DYNC1H1: variants seen among roughly 807,000 people sequenced by gnomAD.
DYNC1H1 encodes the protein cytoplasmic dynein 1 heavy chain 1.
DYNC1H1 carries 51 observed loss-of-function variants against 527.1 expected under a neutral mutation model. The observed-to-expected ratio is 0.10, with a 90% CI of 0.08 to 0.12. DYNC1H1 has a LOEUF of 0.12. Ranked by LOEUF, DYNC1H1 falls within the 10% of genes least tolerant of loss-of-function variation. The pLI is 1.00. For synonymous variants in DYNC1H1, 2,189 were observed against 2,278.8 expected (o/e 0.96, Z 1.12); for missense variants, 2,771 against 5,971.8 (o/e 0.46, Z 17.66).
At chr14:101,995,481 G>A (rs992463672) in intron 15 of DYNC1H1, among the ~76,000 whole-genome samples, 181 bp downstream of exon 15, 3 of 151,948 alleles carry the variant, frequency 2.0e-5, no homozygotes, top group Non-Finnish European at 4.4e-5. Context: ...TGTGGTGGCG[G>A]GTACCTGTGG....
chr14:102,037,777 T>C (rs1041460950), intron 57 of DYNC1H1: 1 of 153,662 alleles, frequency 6.5e-6, no homozygotes, highest in Non-Finnish European at 1.4e-5. Context: ...AAATAAAGCA[T>C]GTAAGGTCAC....
chr14:102,006,680 A>G (rs910465091), intron 27 of DYNC1H1, among the ~76,000 whole-genome samples: 2 of 150,586 alleles, frequency 1.3e-5, no homozygotes, highest in African/African-American at 4.9e-5. Flanking sequence ...GGCTCATTGC[A>G]ACCTCTGCCT....
rs775712157 is a variant in DYNC1H1 at position 102,047,955 on chromosome 14, C to T, written c.13145C>T (p.Thr4382Ile). ...GRPAWMRTLH[T>I]TASNWLHLIP... ...CCTGCCTGGATGCGGACACTGCACA[C>T]CACCGCGTCCAACTGGCTGCACCTC... The change falls in exon 73 of 78, where the codon ACC becomes ATC. Residue 4382 changes from threonine to isoleucine, a missense_variant. Physicochemically the swap from Thr to Ile is moderately conservative, Grantham distance 89 (BLOSUM62 -1). Transcript: ENST00000360184. The T allele has an allele frequency of 6.2e-7, 1 of 1,613,060 alleles. No homozygotes were observed. Among genetic ancestry groups the T allele is most frequent in the Non-Finnish European group, 8.5e-7 (1 of 1,180,020 alleles).
Position 102,049,929 on chromosome 14 carries a change from G to A in DYNC1H1, c.13684+47G>A, listed in dbSNP as rs757813281. 22 of 1,613,464 alleles carry A rather than the reference G, an allele frequency of 1.4e-5. No homozygotes were observed. Among genetic ancestry groups the A allele is most frequent in the African/African-American group, 2.7e-5 (2 of 74,910 alleles). Reference sequence around the variant, plus strand: ...ATACTGGCTCTTTGCAGGTGACCTCGGTGGCCTGAGACCATTGTTCCCAGA... The same window carrying A: ...ATACTGGCTCTTTGCAGGTGACCTCAGTGGCCTGAGACCATTGTTCCCAGA... On this transcript the variant is annotated intron_variant, in intron 76 of 77. Coordinates refer to ENST00000360184, the MANE Select transcript of DYNC1H1 (RefSeq NM_001376.5). This position sits in a 1 kb window ranked among gnomAD's most constrained non-coding sequence, Gnocchi z 5.5.
chr14:102,048,356 C>G (rs2048756138), intron 73 of DYNC1H1, 160 bp from the exon 74 acceptor site: 13 of 1,022,982 alleles, frequency 1.3e-5, no homozygotes, highest in Non-Finnish European at 1.3e-5. Flanking sequence ...CAGCTTCACA[C>G]AAGCTCGGTT....
rs1166113560 is a variant in DYNC1H1 at position 102,043,891 on chromosome 14, C to T, written c.12530C>T (p.Ala4177Val). 6.2e-7 allele frequency: 1 copy of T among 1,614,216 alleles called. No homozygotes were observed. Among genetic ancestry groups the T allele is most frequent in the Non-Finnish European group, 8.5e-7 (1 of 1,180,056 alleles). Residue 4177 changes from alanine (A) to valine (V), a missense_variant, in exon 70 of 78, where the codon GCC (alanine) becomes GTC (valine). By Grantham distance (64) the Ala-to-Val change is moderately conservative. Coordinates refer to ENST00000360184, the MANE Select transcript of DYNC1H1 (RefSeq NM_001376.5). Reference sequence around the variant, plus strand: ...CCTCACCAGTCTCCCAACGAGCGTGCCCGCTTGTACTTCCTGCTGGCCTGG... The same window carrying T: ...CCTCACCAGTCTCCCAACGAGCGTGTCCGCTTGTACTTCCTGCTGGCCTGG... ...SRICKSPNER[A>V]RLYFLLAWFH...
At position 102,027,159 on chromosome 14, in the gene DYNC1H1, C is replaced by A; in HGVS notation, c.8772-15C>A. ...TTATAAGCCTTAACATTGATCAGTT[C>A]TCGTAATGTTTCAGAATATTCCGTC... On this transcript the variant is annotated splice_polypyrimidine_tract_variant and intron_variant, in intron 44 of 77. Coordinates refer to ENST00000360184, the MANE Select transcript of DYNC1H1 (RefSeq NM_001376.5). The surrounding 1 kb of genome is among the most constrained non-coding windows in gnomAD (Gnocchi z 7.7). The A allele has an allele frequency of 6.2e-7, 1 of 1,612,206 alleles. No individual in the cohort carries two copies. The highest frequency in any genetic ancestry group is 1.3e-5 in the African/African-American group (1 of 74,992).
chr14:102,041,751 G>A lies in DYNC1H1; in HGVS notation c.12102+17G>A. 6.2e-7 allele frequency: 1 copy of A among 1,613,776 alleles called. No homozygotes were observed. The highest frequency in any genetic ancestry group is 8.5e-7 in the Non-Finnish European group (1 of 1,180,028). On this transcript the variant is annotated intron_variant, in intron 65 of 77. Coordinates refer to ENST00000360184, the MANE Select transcript of DYNC1H1 (RefSeq NM_001376.5). The surrounding 1 kb of genome is among the most constrained non-coding windows in gnomAD (Gnocchi z 4.5). The stretch of plus-strand genomic sequence containing the variant: ...GGCACAGAGGTAATGTCCTGGTACA[G>A]CCCGGGCTTCCCACGAGACTCCATG...
chr14:101,988,592 A>T, intron 9 of DYNC1H1, 111 bp from the exon 10 acceptor site: 1 of 1,382,420 alleles, frequency 7.2e-7, no homozygotes, highest in South Asian at 1.2e-5. Flanking sequence ...GAAGGCTTCT[A>T]GTCCGGAACT....
chr14:102,026,967 GTC>G, intron 44 of DYNC1H1: 1 of 772,390 alleles, frequency 1.3e-6, no homozygotes, highest in South Asian at 1.6e-5. Context: ...AATTGCATTA[GTC>G]TCTCATGTCA....
rs896154897 is a variant in DYNC1H1, at chr14:102,018,967, T to C, written c.8343+351T>C. Among the ~76,000 whole-genome samples the C allele has an allele frequency of 3.9e-5, 6 of 152,264 alleles. No individual in the cohort carries two copies. The highest frequency in any genetic ancestry group is 2.1e-4 in the South Asian group (1 of 4,816). On this transcript the variant is annotated intron_variant, in intron 41 of 77. Coordinates refer to ENST00000360184, the MANE Select transcript of DYNC1H1 (RefSeq NM_001376.5). The surrounding 1 kb of genome is among the most constrained non-coding windows in gnomAD (Gnocchi z 5.2). ...CTACCTCAAAATAAAATGAGAAGTTTATTGAAATAAAGATTGGACTTTATT... is the reference window on the plus strand; with the variant it reads ...CTACCTCAAAATAAAATGAGAAGTTCATTGAAATAAAGATTGGACTTTATT...
chr14:102,044,106 C>A lies in DYNC1H1; in HGVS notation c.12684+61C>A. The A allele has an allele frequency of 6.2e-7, 1 of 1,603,222 alleles. No individual in the cohort carries two copies. On this transcript the variant is annotated intron_variant, in intron 70 of 77. Coordinates refer to ENST00000360184, the MANE Select transcript of DYNC1H1 (RefSeq NM_001376.5). This position sits in a 1 kb window ranked among gnomAD's most constrained non-coding sequence, Gnocchi z 7.1. ...TGTATCTGGGAAGGATGCTGCAGGG[C>A]GTGGTGCTGAGAGGCCAGACTCTGC...
In DYNC1H1 at chr14:102,042,115, A is replaced by G; in HGVS notation, c.12205A>G (p.Ile4069Val). ...CGAGCAGAACACGCAGATCACTTCAATTGCAATCGGTAAGGATGCTTGAGG... is the reference window on the plus strand; with the variant it reads ...CGAGCAGAACACGCAGATCACTTCAGTTGCAATCGGTAAGGATGCTTGAGG... ...AAEQNTQITS[I>V]AIGSAEGFNQ... Residue 4069 changes from isoleucine (I) to valine (V), a missense_variant, in exon 66 of 78, where the codon ATT becomes GTT. Transcript: ENST00000360184. This position sits in a 1 kb window ranked among gnomAD's most constrained non-coding sequence, Gnocchi z 5.7. 1.9e-6 allele frequency: 3 copies of G among 1,614,102 alleles called. No individual in the cohort carries two copies. Among genetic ancestry groups the G allele is most frequent in the Non-Finnish European group, 2.5e-6 (3 of 1,180,022 alleles).
rs754338688 is a variant in DYNC1H1 at position 102,044,754 on chromosome 14, C to T, written c.13006+56C>T. 3.1e-5 allele frequency: 43 copies of T among 1,384,158 alleles called. No individual in the cohort carries two copies. Among genetic ancestry groups the T allele is most frequent in the South Asian group, 8.1e-5 (6 of 74,272 alleles). 85.7% of individuals were successfully genotyped at this position (1,384,158 alleles called of 1,614,324 possible). ...GGTGGGTGGCGAGGGTCCCCTCACG[C>T]GGGGTGGGTGGCGAGGGTCCCCACA... On this transcript the variant is annotated intron_variant, in intron 72 of 77. Transcript: ENST00000360184. This position sits in a 1 kb window ranked among gnomAD's most constrained non-coding sequence, Gnocchi z 7.1.
chr14:102,007,613 G>A (rs527353915), intron 28 of DYNC1H1, among the ~76,000 whole-genome samples: 4 of 152,138 alleles, frequency 2.6e-5, no homozygotes, highest in Admixed American at 6.5e-5. Flanking sequence ...CACAGCCACC[G>A]TGGGAGTAGG....
Position 102,005,247 on chromosome 14 carries a change from C to T in DYNC1H1, c.5433+11C>T, listed in dbSNP as rs1452350939. On this transcript the variant is annotated intron_variant, in intron 26 of 77. Transcript: ENST00000360184. This position sits in a 1 kb window ranked among gnomAD's most constrained non-coding sequence, Gnocchi z 4.0. ...AAGCTAGAACACTTGGTTAGTCTCA[C>T]ACCTGACTCCTTCCTTACCAGTTAG... 3 of 1,614,130 alleles carry T rather than the reference C, an allele frequency of 1.9e-6. No individual in the cohort carries two copies. The highest frequency in any genetic ancestry group is 2.2e-5 in the East Asian group (1 of 44,886).
chr14:102,028,075 G>T lies in DYNC1H1; in HGVS notation c.9402G>T (p.Pro3134=), dbSNP rs145095254. The T allele has an allele frequency of 1.2e-5, 20 of 1,614,054 alleles. No homozygotes were observed. The highest frequency in any genetic ancestry group is 2.7e-5 in the African/African-American group (2 of 74,912). ...TGCCAGTTGTGTATGATAAGCTGCC[G>T]CAGCCACCATCCCATCGGGAAGCCA... ...DYMPVVYDKL[P]QPPSHREAIV... Residue 3134 remains proline (P), a synonymous_variant, in exon 48 of 78, where the codon CCG becomes CCT. Transcript: ENST00000360184.
rs896964338 is a variant in DYNC1H1, at chr14:102,018,891, C to T, written c.8343+275C>T. On this transcript the variant is annotated intron_variant, in intron 41 of 77. Transcript: ENST00000360184. The surrounding 1 kb of genome is among the most constrained non-coding windows in gnomAD (Gnocchi z 5.2). ...TGCTTGAACCTGGAGGCAGAGCTTA[C>T]GATGAGCCATGATTGTGCCACTGCA... Among the ~76,000 whole-genome samples the T allele has an allele frequency of 7.9e-5, 12 of 152,070 alleles. No homozygotes were observed. In the East Asian group the frequency reaches 9.6e-4, roughly 12 times the overall value.
At chr14:102,006,882 G>A in intron 27 of DYNC1H1, 126 bp from the exon 28 acceptor site, 1 of 1,012,586 alleles carries the variant, frequency 9.9e-7, no homozygotes, top group Non-Finnish European at 1.5e-6. Flanking sequence ...TTACAGGCAT[G>A]AGCCACCCTA....
Sources: gnomAD v4.1 joint callset for allele counts (sites outside exome capture counted in the v4.1 genomes callset) on GRCh38, gnomAD v4.1.1 for gene constraint, Gnocchi (gnomAD v3.1) non-coding constraint, MANE v1.5 for transcripts, NCBI Gene and HGNC (gene_info 2026-07-23, HGNC 2026-07-21) for gene names.